The following PFKFB1 variants were observed in gnomAD, a reference collection of about 807,000 sequenced individuals.
PFKFB1 encodes 6-phosphofructo-2-kinase/fructose-2,6-biphosphatase 1, also known as 6-phosphofructo-2-kinase/fructose-2,6-bisphosphatase 1.
A neutral mutation model predicts 46.4 loss-of-function variants in PFKFB1; 34 were observed. That is an observed-to-expected ratio of 0.73 (90% CI 0.56 to 0.98). The LOEUF (loss-of-function observed/expected upper bound fraction) is 0.98, where lower values mean the gene tolerates loss of function less well. Ranked by LOEUF, PFKFB1 falls within the 50% of genes least tolerant of loss-of-function variation. The pLI is 0.00. For synonymous variants in PFKFB1, 119 were observed against 133.8 expected, an observed-to-expected ratio of 0.89 and a Z score of 0.76; for missense variants, 393 against 376.3, an observed-to-expected ratio of 1.04 and a Z score of -0.37.
intron 6 of PFKFB1, among the ~76,000 whole-genome samples, chrX:54,957,921 G>T (rs1000495208): frequency 9.0e-6 from 1 of 111,419 alleles, no homozygotes; most frequent in Non-Finnish European, 1.9e-5. Flanking sequence ...GGCTTTTGAG[G>T]CAGACAGCCA....
chrX:54,958,731 C>G, intron 5 of PFKFB1, 120 bp downstream of exon 5: 1 of 488,817 alleles, frequency 2.0e-6, no homozygotes. Context: ...GTTAGAGAAC[C>G]AAATTAAAAT....
intron 1 of PFKFB1, among the ~76,000 whole-genome samples, chrX:54,991,539 CTGTGTGTGTGTGTG>C (rs59214352): frequency 6.5e-5 from 4 of 61,870 alleles, no homozygotes; most frequent in East Asian, 1.5e-3. Context: ...CTCTCTCTCT[CTGTGTGTGTGTGTG>C]TGTGTGTGTG....
At chrX:54,959,084 T>G (rs1304829160) in intron 4 of PFKFB1, among the ~76,000 whole-genome samples, 159 bp from the exon 5 acceptor site, 1 of 111,537 alleles carries the variant, frequency 9.0e-6, no homozygotes, top group African/African-American at 3.3e-5. Context: ...TTATGACAAT[T>G]TCACAAGCAC....
chrX:54,936,847 C>G (rs1285605076), intron 11 of PFKFB1, among the ~76,000 whole-genome samples: 1 of 111,625 alleles, frequency 9.0e-6, no homozygotes, highest in Non-Finnish European at 1.9e-5. Context: ...GACTGTAAAA[C>G]AGTGTAGACA....
chrX:54,994,878 G>A, upstream of PFKFB1: 1 of 752,255 alleles, frequency 1.3e-6, no homozygotes, highest in Non-Finnish European at 1.6e-6. Context: ...ATTGCCTGGG[G>A]CTGGAGGTGG....
chrX:54,946,832 T>C (rs1335460574), intron 9 of PFKFB1, among the ~76,000 whole-genome samples: 2 of 112,317 alleles, frequency 1.8e-5, no homozygotes, highest in Non-Finnish European at 3.8e-5. Context: ...TAAAACATAC[T>C]AGTACAGAAT....
chrX:54,984,866 T>C (rs915872477), intron 1 of PFKFB1, among the ~76,000 whole-genome samples: 3 of 110,883 alleles, frequency 2.7e-5, no homozygotes, highest in Non-Finnish European at 5.7e-5. Flanking sequence ...GGAGGCTATA[T>C]ACCAGGTGCA....
chrX:54,970,337 T>G (rs956717009), intron 1 of PFKFB1, among the ~76,000 whole-genome samples: 2 of 111,228 alleles, frequency 1.8e-5, no homozygotes, highest in South Asian at 7.6e-4. Context: ...TTTATTTTTT[T>G]AGTTTTATTA....
intron 10 of PFKFB1, among the ~76,000 whole-genome samples, chrX:54,942,372 C>T (rs947389779): frequency 9.0e-6 from 1 of 111,451 alleles, no homozygotes; most frequent in Non-Finnish European, 1.9e-5. Context: ...TGCACATGTA[C>T]CCTAAAACTT....
upstream of PFKFB1, chrX:54,998,275 T>G (rs956869964): frequency 3.9e-6 from 2 of 512,740 alleles, no homozygotes; most frequent in Admixed American, 3.0e-5. Context: ...TATAATCTTT[T>G]CCCCCACTTT....
At chrX:54,934,523 T>G (rs1313315942) in intron 12 of PFKFB1, among the ~76,000 whole-genome samples, 1 of 111,871 alleles carries the variant, frequency 8.9e-6, no homozygotes, top group Non-Finnish European at 1.9e-5. Context: ...TCATCTGCCC[T>G]GTTCGCACCC....
At chrX:54,944,270 A>G (rs187703263) in intron 10 of PFKFB1, among the ~76,000 whole-genome samples, 3 of 111,595 alleles carry the variant, frequency 2.7e-5, no homozygotes, top group African/African-American at 9.8e-5. Context: ...AACAAATTAT[A>G]TAACTTAAAT....
intron 1 of PFKFB1, among the ~76,000 whole-genome samples, chrX:54,969,099 A>G (rs1413334596): frequency 2.7e-5 from 3 of 111,700 alleles, no homozygotes; most frequent in Non-Finnish European, 5.7e-5. Flanking sequence ...CATTCTAAAG[A>G]TGTAAAACCC....
At chrX:54,955,630 T>C (rs1480623904) in intron 7 of PFKFB1, among the ~76,000 whole-genome samples, 1 of 111,281 alleles carries the variant, frequency 9.0e-6, no homozygotes, top group Non-Finnish European at 1.9e-5. Context: ...CATGGGAGTG[T>C]TGTGAAAAGA....
intron 9 of PFKFB1, among the ~76,000 whole-genome samples, chrX:54,948,582 T>C (rs754041726): frequency 7.6e-4 from 85 of 112,268 alleles, no homozygotes; most frequent in African/African-American, 2.5e-3. Flanking sequence ...CCAGCCTCTG[T>C]GCTATTCTTT....
intron 1 of PFKFB1, among the ~76,000 whole-genome samples, chrX:54,985,985 G>A (rs1340660457): frequency 9.0e-6 from 1 of 111,701 alleles, no homozygotes; most frequent in Non-Finnish European, 1.9e-5. Context: ...AGAATAGAGA[G>A]AAAAAGACAT....
At position 54,958,895 on chromosome X, in the gene PFKFB1, G is replaced by A. The variant is rs781298920; in HGVS notation, c.415C>T (p.Arg139Ter). 1.2e-5 allele frequency: 14 copies of A among 1,195,509 alleles called. No homozygotes were observed. The highest frequency in any genetic ancestry group is 2.3e-4 in the Middle Eastern group (1 of 4,338). ...GCAAACTGCAGGATCAGTGACCGTC[G>A]TTCTCTGGTAGTGTTGGTGGCATCA... ...VFDATNTTRE[R>*]RSLILQFAKE... Residue 139 changes from arginine (R) to a stop codon, truncating the protein, a stop_gained, in exon 5 of 14, where the codon CGA becomes TGA. Transcript: ENST00000375006. LOFTEE classifies it high-confidence loss of function.
chrX:54,962,569 A>G (rs1280222468), intron 2 of PFKFB1, among the ~76,000 whole-genome samples: 1 of 112,114 alleles, frequency 8.9e-6, no homozygotes, highest in East Asian at 2.8e-4. Context: ...ACATAGATGA[A>G]CAGAAAGAAG....
intron 1 of PFKFB1, among the ~76,000 whole-genome samples, chrX:54,988,043 A>T (rs1258000362): frequency 1.8e-5 from 2 of 111,699 alleles, no homozygotes; most frequent in African/African-American, 6.5e-5. Context: ...AAAGGAAGAG[A>T]TGAAATTATT....
Sources: gnomAD v4.1 joint callset for allele counts (sites outside exome capture counted in the v4.1 genomes callset) on GRCh38, gnomAD v4.1.1 for gene constraint, MANE v1.5 for transcripts, NCBI Gene and HGNC (gene_info 2026-07-23, HGNC 2026-07-21) for gene names.